JAZF1: variants seen among roughly 807,000 people sequenced by gnomAD.
JAZF1 encodes juxtaposed with another zinc finger protein 1.
JAZF1 carries 8 observed loss-of-function variants against 26.4 expected under a neutral mutation model. That is an observed-to-expected ratio of 0.30 (90% CI 0.18 to 0.55). JAZF1 has a LOEUF of 0.55. Among genes scored for constraint, JAZF1 ranks in the 20% least tolerant of loss-of-function variants. The pLI, the probability that JAZF1 is intolerant of heterozygous loss-of-function variation, is 0.94. For missense variants in JAZF1, 199 were observed against 322.0 expected, an observed-to-expected ratio of 0.62 and a Z score of 2.92; for synonymous variants, 126 against 122.3, an observed-to-expected ratio of 1.03 and a Z score of -0.20.
intron 1 of JAZF1, among the ~76,000 whole-genome samples, chr7:28,163,356 C>A (rs1375064671): frequency 6.6e-6 from 1 of 152,150 alleles, no homozygotes; most frequent in Non-Finnish European, 1.5e-5. Context: ...GCTGGGCTGT[C>A]CTTTTCCATC....
At chr7:27,985,817 G>C (rs765585358) in intron 2 of JAZF1, among the ~76,000 whole-genome samples, 28 of 152,064 alleles carry the variant, frequency 1.8e-4, no homozygotes, top group Non-Finnish European at 3.8e-4. Context: ...ATCAATAAAC[G>C]TAATCCATCA....
rs79789425 is a variant in JAZF1, at chr7:27,960,641, T to A, written c.188+31268A>T. ...GAGGTTGCTGTGGTTGCCCTGACAA[T>A]TGAGGGGTTGGCACATCAGCAGAAT... On this transcript the variant is annotated intron_variant, in intron 2 of 4. Transcript: ENST00000283928. Among the ~76,000 whole-genome samples the A allele has an allele frequency of 4.2e-4, 64 of 152,172 alleles. No homozygotes were observed. The East Asian group carries it at 0.012, about 29-fold the overall frequency.
At chr7:27,981,630 T>C (rs1379170581) in intron 2 of JAZF1, among the ~76,000 whole-genome samples, 2 of 152,198 alleles carry the variant, frequency 1.3e-5, no homozygotes, top group African/African-American at 4.8e-5. Context: ...TGAGTTAAAG[T>C]TTTAGTAGCA....
chr7:28,127,120 G>A lies in JAZF1; in HGVS notation c.115+53343C>T, dbSNP rs577606428. 1.3e-3 allele frequency among the ~76,000 whole-genome samples: 198 copies of A among 152,326 alleles called. 1 individual carries two copies. The highest frequency in any genetic ancestry group is 4.7e-3 in the African/African-American group (195 of 41,564). ...AGCTTGCTTTTCATTAGAATTGACA[G>A]TCTCCTGACAGCTGCATACTAGGCG... is the stretch of plus-strand genomic sequence containing the variant. On this transcript the variant is annotated intron_variant, in intron 1 of 4. Coordinates refer to ENST00000283928, the MANE Select transcript of JAZF1 (RefSeq NM_175061.4).
At chr7:27,869,639 C>T (rs1259144300) in intron 3 of JAZF1, among the ~76,000 whole-genome samples, 15 of 152,166 alleles carry the variant, frequency 9.9e-5, no homozygotes, top group Admixed American at 9.8e-4. Context: ...TCCAGAATCA[C>T]ATCCAGGACG....
chr7:28,076,709 CAAAAAA>C (rs34918786), intron 1 of JAZF1, among the ~76,000 whole-genome samples: 4 of 97,452 alleles, frequency 4.1e-5, no homozygotes, highest in East Asian at 2.7e-4. Context: ...TTCTCTCTCT[CAAAAAA>C]AAAAAAAAAA....
chr7:28,070,312 C>T (rs1783956347), intron 1 of JAZF1, among the ~76,000 whole-genome samples: 1 of 152,146 alleles, frequency 6.6e-6, no homozygotes. Context: ...CTGATTGGTT[C>T]TCATCCCTGA....
chr7:28,001,518 C>T (rs1356010860), intron 1 of JAZF1, among the ~76,000 whole-genome samples: 1 of 152,166 alleles, frequency 6.6e-6, no homozygotes, highest in African/African-American at 2.4e-5. Flanking sequence ...GAAAAATTTA[C>T]ATAAGCCTTG....
At chr7:27,939,674 T>G (rs765853066) in intron 2 of JAZF1, among the ~76,000 whole-genome samples, 68 of 152,092 alleles carry the variant, frequency 4.5e-4, no homozygotes, top group Non-Finnish European at 6.5e-4. Flanking sequence ...AGACCCTGTA[T>G]GTAAGGCCAC....
At chr7:28,088,763 T>C (rs1009179598) in intron 1 of JAZF1, among the ~76,000 whole-genome samples, 39 of 152,240 alleles carry the variant, frequency 2.6e-4, no homozygotes, top group Non-Finnish European at 4.9e-4. Context: ...TAAATCACTA[T>C]TTGCATTCTG....
intron 2 of JAZF1, among the ~76,000 whole-genome samples, chr7:27,932,125 C>A (rs1784696508): frequency 6.6e-6 from 1 of 151,972 alleles, no homozygotes; most frequent in Non-Finnish European, 1.5e-5. Context: ...CGGGTAAAAA[C>A]AGAGAAGAGT....
intron 1 of JAZF1, among the ~76,000 whole-genome samples, chr7:28,092,290 CAAAAAAAAAAAAAAAAAAAAAA>C (rs749913273): frequency 0.058 from 739 of 12,808 alleles, 18 homozygotes; most frequent in Non-Finnish European, 0.1. Context: ...GGACAAAAGG[CAAAAAAAAAAAAAAAAAAAAAA>C]AAAAAAAAAA....
chr7:27,929,208 T>C (rs1784644643), intron 2 of JAZF1, among the ~76,000 whole-genome samples: 1 of 152,050 alleles, frequency 6.6e-6, no homozygotes, highest in Non-Finnish European at 1.5e-5. Flanking sequence ...ATTTATTTAG[T>C]GGTTAAAATA....
chr7:28,000,579 A>G (rs1786125818), intron 1 of JAZF1, among the ~76,000 whole-genome samples: 1 of 150,738 alleles, frequency 6.6e-6, no homozygotes, highest in Non-Finnish European at 1.5e-5. Flanking sequence ...TTGGACCTAG[A>G]TAAGTGCTCC....
At chr7:27,920,505 T>A (rs1370540617) in intron 2 of JAZF1, among the ~76,000 whole-genome samples, 1 of 152,218 alleles carries the variant, frequency 6.6e-6, no homozygotes, top group Non-Finnish European at 1.5e-5. Flanking sequence ...TGACGATGTG[T>A]CATATGGCGT....
At chr7:27,883,588 T>TA (rs1443182523) in intron 3 of JAZF1, among the ~76,000 whole-genome samples, 4 of 152,246 alleles carry the variant, frequency 2.6e-5, no homozygotes, top group Non-Finnish European at 5.9e-5. Context: ...CTGGACTACT[T>TA]AGAGTTTCTG....
intron 1 of JAZF1, among the ~76,000 whole-genome samples, chr7:28,099,660 C>T (rs1021435426): frequency 6.6e-6 from 1 of 151,976 alleles, no homozygotes; most frequent in African/African-American, 2.4e-5. Context: ...ATTTTTAATA[C>T]AGACGGGATT....
chr7:27,844,408 GAA>G (rs1345823609), intron 3 of JAZF1: 2 of 152,160 alleles, frequency 1.3e-5, no homozygotes, highest in East Asian at 3.9e-4. Context: ...ACTCACTGCA[GAA>G]TGAACAAATC....
Position 28,020,699 on chromosome 7 carries a change from T to C in JAZF1, c.116-28718A>G, listed in dbSNP as rs1056430507. 8.5e-6 allele frequency: 4 copies of C among 471,230 alleles called. No homozygotes were observed. In the Admixed American group the frequency reaches 9.4e-5, roughly 11 times the overall value. 29.2% of individuals were successfully genotyped at this position (471,230 alleles called of 1,614,324 possible). On this transcript the variant is annotated intron_variant, in intron 1 of 4. Transcript: ENST00000283928. ...AGTGAGCGAAGGAACTGCTGATGAA[T>C]GTGACACTGGCATTTGTCCCTCCCA...
Sources: allele counts gnomAD v4.1 joint callset (sites outside exome capture counted in the v4.1 genomes callset), GRCh38; gene constraint gnomAD v4.1.1; transcripts MANE v1.5; gene names NCBI Gene and HGNC (gene_info 2026-07-23, HGNC 2026-07-21).